STK39: variants seen among roughly 807,000 people sequenced by gnomAD.
STK39 encodes STE20/SPS1-related proline-alanine-rich protein kinase.
In STK39, 20 loss-of-function variants were observed where a neutral mutation model predicts 77.8. The observed-to-expected ratio is 0.26, with a 90% CI of 0.18 to 0.37. The LOEUF (loss-of-function observed/expected upper bound fraction) is 0.37. Among genes scored for constraint, STK39 ranks in the 10% least tolerant of loss-of-function variants. The probability of loss-of-function intolerance (pLI) is 1.00; values close to 1 mark genes in which losing one functional copy is unlikely to be tolerated. For synonymous variants in STK39, 246 were observed against 234.1 expected, an observed-to-expected ratio of 1.05 and a Z score of -0.47; for missense variants, 479 against 656.5, an observed-to-expected ratio of 0.73 and a Z score of 2.95.
At chr2:168,023,320 C>T (rs1206330874) in intron 14 of STK39, among the ~76,000 whole-genome samples, 10 of 148,906 alleles carry the variant, frequency 6.7e-5, no homozygotes, top group African/African-American at 2.0e-4. Flanking sequence ...TACAGATTGG[C>T]GTGCATTAAG....
intron 16 of STK39, among the ~76,000 whole-genome samples, chr2:167,994,314 T>G (rs567894081): frequency 5.9e-5 from 9 of 152,262 alleles, no homozygotes; most frequent in African/African-American, 2.2e-4. Flanking sequence ...AAAATAATAC[T>G]CATGATGTAG....
rs1272461694 is a variant in STK39, at chr2:168,039,540, C to T, written c.1377-22445G>A. Reference sequence around the variant, plus strand: ...CCGGGAAGCGGAGCTTGCAGTGAGCCGAGATTGCGCCACTGCAGTCCGCAG... The same window carrying T: ...CCGGGAAGCGGAGCTTGCAGTGAGCTGAGATTGCGCCACTGCAGTCCGCAG... On this transcript the variant is annotated intron_variant, in intron 14 of 17. Transcript: ENST00000355999. 4.6e-4 allele frequency among the ~76,000 whole-genome samples: 9 copies of T among 19,560 alleles called. 4 individuals carry two copies. The highest frequency in any genetic ancestry group is 1.7e-3 in the Non-Finnish European group (9 of 5,420). The allele number at this position is 19,560 out of a possible 152,430, so 12.8% of individuals were successfully genotyped here.
intron 1 of STK39, among the ~76,000 whole-genome samples, chr2:168,224,431 C>A (rs1690255094): frequency 6.6e-6 from 1 of 151,968 alleles, no homozygotes; most frequent in Non-Finnish European, 1.5e-5. Context: ...CAATCTATAA[C>A]AAAATAACAG....
At chr2:168,215,355 T>C (rs1690000467) in intron 1 of STK39, among the ~76,000 whole-genome samples, 1 of 152,172 alleles carries the variant, frequency 6.6e-6, no homozygotes, top group African/African-American at 2.4e-5. Flanking sequence ...TGTGTGGTTC[T>C]TTGCTCCAAG....
intron 1 of STK39, among the ~76,000 whole-genome samples, chr2:168,234,113 A>T (rs1690533872): frequency 6.6e-6 from 1 of 152,226 alleles, no homozygotes; most frequent in Non-Finnish European, 1.5e-5. Flanking sequence ...TTTTGTACTA[A>T]GTCAGTGGCA....
At chr2:168,218,042 T>A (rs1016469727) in intron 1 of STK39, among the ~76,000 whole-genome samples, 2 of 152,306 alleles carry the variant, frequency 1.3e-5, no homozygotes, top group East Asian at 3.9e-4. Context: ...ATATGTAGGA[T>A]CATATAAACA....
intron 1 of STK39, among the ~76,000 whole-genome samples, chr2:168,239,991 T>C (rs75777482): frequency 0.016 from 2,432 of 152,332 alleles, 77 homozygotes; most frequent in African/African-American, 0.056. Context: ...CACCAAGATA[T>C]ACATTTTTTA....
chr2:168,056,811 C>A (rs947853145), intron 14 of STK39, among the ~76,000 whole-genome samples: 3 of 152,134 alleles, frequency 2.0e-5, no homozygotes, highest in Non-Finnish European at 4.4e-5. Context: ...AAAATCTGAT[C>A]AACACCAGCC....
In STK39 at chr2:167,990,407, TCG is replaced by T. The variant is rs1349063299; in HGVS notation, c.1498+22225_1498+22226del. Among the ~76,000 whole-genome samples, 26 of 152,308 alleles carry T rather than the reference TCG, an allele frequency of 1.7e-4. No individual in the cohort carries two copies. In the East Asian group the frequency reaches 3.9e-3, roughly 23 times the overall value. The stretch of plus-strand genomic sequence containing the variant: ...GCTGTACAAACAGATATCCAATTCT[TCG>T]TTTAGCAGAAGGTGAAATTTGGCAC... On this transcript the variant is annotated intron_variant, in intron 16 of 17. Transcript: ENST00000355999.
chr2:168,038,839 A>T (rs1005005304), intron 14 of STK39, among the ~76,000 whole-genome samples: 5 of 152,202 alleles, frequency 3.3e-5, no homozygotes, highest in African/African-American at 1.2e-4. Flanking sequence ...TTAAAACTAT[A>T]ATAAGATACC....
rs1462618795 is a variant in STK39, at chr2:168,119,811, A to G, written c.1089+9730T>C. On this transcript the variant is annotated intron_variant, in intron 10 of 17. Coordinates refer to ENST00000355999, the MANE Select transcript of STK39 (RefSeq NM_013233.3). ...AATGCATAACCTTCGATATTTTATAAGTTAATTATAAGATTCCAGGAGGGG... is the reference window on the plus strand; with the variant it reads ...AATGCATAACCTTCGATATTTTATAGGTTAATTATAAGATTCCAGGAGGGG... Among the ~76,000 whole-genome samples, 7 of 152,216 alleles carry G rather than the reference A, an allele frequency of 4.6e-5. 1 individual carries two copies. Among genetic ancestry groups the G allele is most frequent in the African/African-American group, 1.7e-4 (7 of 41,444 alleles).
intron 17 of STK39, among the ~76,000 whole-genome samples, chr2:167,958,764 G>A (rs1477222924): frequency 2.0e-5 from 3 of 152,186 alleles, no homozygotes; most frequent in African/African-American, 7.2e-5. Context: ...TAGTTGCAAT[G>A]TACACTCTGA....
intron 10 of STK39, among the ~76,000 whole-genome samples, chr2:168,121,736 T>A (rs974488026): frequency 6.6e-6 from 1 of 152,218 alleles, no homozygotes. Context: ...GCCACAATAA[T>A]CATTCTCCTT....
chr2:167,956,698 T>C (rs10204153), intron 17 of STK39, among the ~76,000 whole-genome samples: 14 of 71,872 alleles, frequency 1.9e-4, no homozygotes, highest in Middle Eastern at 7.6e-3. Flanking sequence ...ACACACACAC[T>C]CTCTCTCTCT....
intron 2 of STK39, among the ~76,000 whole-genome samples, chr2:168,178,939 G>C (rs1161510017): frequency 6.6e-6 from 1 of 152,176 alleles, no homozygotes; most frequent in East Asian, 1.9e-4. Flanking sequence ...TGGGACAAAG[G>C]GAGTGGGGAC....
At position 168,247,417 on chromosome 2, in the gene STK39, A is replaced by G; in HGVS notation, c.19T>C (p.Ser7Pro). ...TGGGGAAGCTGGACGTGCACGGGCG[A>G]GCCGCTCGGCTCCGCCATGATGCTG... MAEPSG[S>P]PVHVQLPQQA... is the part of the protein sequence containing the mutation. The change falls in exon 1 of 18, where the codon TCG (serine) becomes CCG (proline). Residue 7 changes from serine to proline, a missense_variant. Transcript: ENST00000355999. 3 of 1,222,868 alleles carry G rather than the reference A, an allele frequency of 2.5e-6. No individual in the cohort carries two copies. Among genetic ancestry groups the G allele is most frequent in the Non-Finnish European group, 2.1e-6 (2 of 972,800 alleles). 75.8% of individuals were successfully genotyped at this position (1,222,868 alleles called of 1,614,324 possible).
At chr2:168,004,997 C>CT (rs10563812) in intron 16 of STK39, among the ~76,000 whole-genome samples, 3,026 of 77,572 alleles carry the variant, frequency 0.039, 252 homozygotes, top group African/African-American at 0.09. Flanking sequence ...AGAAGGCCCT[C>CT]TTTTTTTTTT....
At chr2:168,145,517 A>G (rs1688113072) in intron 5 of STK39, among the ~76,000 whole-genome samples, 1 of 152,178 alleles carries the variant, frequency 6.6e-6, no homozygotes, top group East Asian at 1.9e-4. Flanking sequence ...TTTTCCCAAA[A>G]AAGCCAAACA....
chr2:167,980,931 A>G (rs999635780), intron 16 of STK39, among the ~76,000 whole-genome samples: 6 of 150,582 alleles, frequency 4.0e-5, no homozygotes, highest in Admixed American at 2.0e-4. Context: ...TTTAAAGTAA[A>G]GGTTTAACAG....
Sources: gnomAD v4.1 joint callset for allele counts (sites outside exome capture counted in the v4.1 genomes callset) on GRCh38, gnomAD v4.1.1 for gene constraint, MANE v1.5 for transcripts, NCBI Gene and HGNC (gene_info 2026-07-23, HGNC 2026-07-21) for gene names.